ROBO1: variants seen among roughly 807,000 people sequenced by gnomAD.
ROBO1 encodes the protein roundabout homolog 1.
ROBO1 carries 149 observed loss-of-function variants against 195.9 expected under a neutral mutation model. The ratio of observed to expected loss-of-function variants is 0.76; its 90% CI spans 0.67 to 0.87. ROBO1 has a LOEUF of 0.87. Ranked by LOEUF, ROBO1 falls within the 40% of genes least tolerant of loss-of-function variation. ROBO1 has a pLI of 0.00. For missense variants in ROBO1, 1,933 were observed against 2,068.3 expected (o/e 0.93, Z 1.27); for synonymous variants, 816 against 733.2 (o/e 1.11, Z -1.82).
At chr3:79,528,760 A>G (rs1370208580) in intron 2 of ROBO1, among the ~76,000 whole-genome samples, 2 of 152,208 alleles carry the variant, frequency 1.3e-5, no homozygotes, top group African/African-American at 4.8e-5. Context: ...AAGCAGTTTC[A>G]CATGGTGCCT....
At chr3:79,152,095 A>G (rs1225422382) in intron 2 of ROBO1, among the ~76,000 whole-genome samples, 1 of 151,838 alleles carries the variant, frequency 6.6e-6, no homozygotes, top group Non-Finnish European at 1.5e-5. Context: ...CCTCATCATT[A>G]AAAAAATTCC....
chr3:79,078,494 G>A (rs2108454749), intron 3 of ROBO1, among the ~76,000 whole-genome samples: 1 of 151,820 alleles, frequency 6.6e-6, no homozygotes, highest in Non-Finnish European at 1.5e-5. Context: ...AAGAACAAAA[G>A]CTCCAGAATT....
chr3:79,503,002 A>G (rs1940184364), intron 2 of ROBO1, among the ~76,000 whole-genome samples: 1 of 152,128 alleles, frequency 6.6e-6, no homozygotes, highest in Non-Finnish European at 1.5e-5. Context: ...GCACCAGATA[A>G]GAGAATAAAA....
chr3:78,723,678 G>A (rs1022697306), intron 5 of ROBO1, among the ~76,000 whole-genome samples: 2 of 151,960 alleles, frequency 1.3e-5, no homozygotes, highest in Non-Finnish European at 2.9e-5. Flanking sequence ...AAGGGTGTGT[G>A]GGGGGCGATG....
intron 2 of ROBO1, among the ~76,000 whole-genome samples, chr3:79,569,995 G>T (rs1040667633): frequency 1.3e-5 from 2 of 152,158 alleles, no homozygotes; most frequent in African/African-American, 4.8e-5. Flanking sequence ...CAGCTAGTGG[G>T]ATGCTGAGGT....
chr3:79,399,354 G>A (rs1163444911), intron 2 of ROBO1, among the ~76,000 whole-genome samples: 1 of 151,822 alleles, frequency 6.6e-6, no homozygotes, highest in Admixed American at 6.6e-5. Context: ...GCTGCCCCCC[G>A]ACCTCCCACT....
At chr3:79,104,988 T>G (rs1320574630) in intron 3 of ROBO1, among the ~76,000 whole-genome samples, 3 of 151,642 alleles carry the variant, frequency 2.0e-5, no homozygotes, top group Non-Finnish European at 4.4e-5. Flanking sequence ...CTGACTTACA[T>G]GAATGCAAAT....
chr3:78,753,518 A>AT (rs953396217), intron 4 of ROBO1, among the ~76,000 whole-genome samples: 21 of 151,904 alleles, frequency 1.4e-4, no homozygotes, highest in South Asian at 4.2e-4. Context: ...GTAAGGATCA[A>AT]TTTTTTTTTA....
intron 4 of ROBO1, among the ~76,000 whole-genome samples, chr3:78,769,648 A>G (rs1346628282): frequency 1.2e-5 from 1 of 85,606 alleles, no homozygotes; most frequent in Non-Finnish European, 2.4e-5. Context: ...TGCTTTTTAA[A>G]TTGTATTTTT....
chr3:79,632,707 T>C (rs374898159), intron 1 of ROBO1, among the ~76,000 whole-genome samples: 1 of 152,098 alleles, frequency 6.6e-6, no homozygotes, highest in Non-Finnish European at 1.5e-5. Context: ...TTAGAGAATA[T>C]ATTTGTGACC....
chr3:78,888,336 T>C (rs1370008392), intron 4 of ROBO1, among the ~76,000 whole-genome samples: 1 of 152,216 alleles, frequency 6.6e-6, no homozygotes, highest in Non-Finnish European at 1.5e-5. Context: ...AAGTTGGAAT[T>C]GTTATAGGTA....
intron 4 of ROBO1, among the ~76,000 whole-genome samples, chr3:78,928,971 T>C (rs554227563): frequency 5.9e-4 from 90 of 152,244 alleles, no homozygotes; most frequent in Non-Finnish European, 1.0e-3. Flanking sequence ...GATTGAGATA[T>C]ATAAATACTT....
chr3:78,641,022 A>AT (rs1386612168), intron 21 of ROBO1, among the ~76,000 whole-genome samples: 1 of 152,128 alleles, frequency 6.6e-6, no homozygotes, highest in Non-Finnish European at 1.5e-5. Context: ...CTTGTGATTC[A>AT]TTTTTGTATG....
chr3:79,088,086 G>A (rs1042660860), intron 3 of ROBO1, among the ~76,000 whole-genome samples: 5 of 152,178 alleles, frequency 3.3e-5, no homozygotes, highest in South Asian at 2.1e-4. Context: ...TGTTGATGAC[G>A]GTTGTGTTCA....
At chr3:78,613,197 T>A (rs1052387563) in intron 28 of ROBO1, among the ~76,000 whole-genome samples, 4 of 134,582 alleles carry the variant, frequency 3.0e-5, no homozygotes, top group African/African-American at 1.1e-4. Context: ...TATAAATATG[T>A]GGTAGAAAGA....
rs1426719388 is a variant in ROBO1 at position 78,884,676 on chromosome 3, G to A, written c.499+53925C>T. ...GGAAGGAAGGAAGGAAGGAAGGAAG[G>A]AAGGAAGGAAGGAAGGAAGGAAGGA... On this transcript the variant is annotated intron_variant, in intron 4 of 30. Coordinates refer to ENST00000464233, the MANE Select transcript of ROBO1 (RefSeq NM_002941.4). 6.1e-3 allele frequency among the ~76,000 whole-genome samples: 843 copies of A among 137,786 alleles called. 9 individuals carry two copies. The highest frequency in any genetic ancestry group is 0.032 in the South Asian group (132 of 4,132). 90.4% of individuals were successfully genotyped at this position (137,786 alleles called of 152,430 possible). A position where few individuals can be genotyped will look rare whatever the true frequency, so the allele number is the denominator to read the frequency against.
rs1213087457 is a variant in ROBO1, at chr3:78,714,516, A to G, written c.926T>C (p.Ile309Thr). ...DGELPKSRYEIRDDHTLKIRK... is the reference protein window; with the variant it reads ...DGELPKSRYETRDDHTLKIRK... The stretch of plus-strand genomic sequence containing the variant: ...AATTTTCAAGGTATGATCATCTCGG[A>G]TTTCATATCTAATGACATAACAAAA... The change falls in exon 8 of 31, where the codon ATC becomes ACC. Residue 309 changes from isoleucine to threonine, a missense_variant. Physicochemically the swap from Ile to Thr is moderately conservative, Grantham distance 89. Around this residue, in one of 3 missense-constraint regions of ROBO1, gnomAD observed 1,737 missense variants for 1,882.5 expected, o/e 0.92. Transcript: ENST00000464233. The G allele has an allele frequency of 6.2e-6, 10 of 1,610,734 alleles. No homozygotes were observed. Among genetic ancestry groups the G allele is most frequent in the Non-Finnish European group, 8.5e-6 (10 of 1,178,574 alleles).
chr3:78,795,404 TA>T (rs1253975957), intron 4 of ROBO1, among the ~76,000 whole-genome samples: 17 of 152,174 alleles, frequency 1.1e-4, no homozygotes, highest in African/African-American at 3.4e-4. Flanking sequence ...TATTTCTTGA[TA>T]AAAAACTTTT....
intron 2 of ROBO1, among the ~76,000 whole-genome samples, chr3:79,561,949 G>T (rs936286742): frequency 1.3e-5 from 2 of 152,086 alleles, no homozygotes; most frequent in African/African-American, 4.8e-5. Context: ...GTTATTTACT[G>T]TTCTCCTGAG....
Sources: gnomAD v4.1 joint callset for allele counts (sites outside exome capture counted in the v4.1 genomes callset) on GRCh38, gnomAD v4.1.1 for gene constraint, gnomAD v4.1.1 regional missense constraint, MANE v1.5 for transcripts, NCBI Gene and HGNC (gene_info 2026-07-23, HGNC 2026-07-21) for gene names.